Variants in ZNF431 observed in about 807,000 individuals in gnomAD.
The protein encoded by ZNF431 is zinc finger protein 431.
A neutral mutation model predicts 57.0 loss-of-function variants in ZNF431; 34 were observed. That is an observed-to-expected ratio of 0.60 (90% CI 0.45 to 0.79). The LOEUF (loss-of-function observed/expected upper bound fraction) is 0.79, where lower values mean the gene tolerates loss of function less well. Among genes scored for constraint, ZNF431 ranks in the 30% least tolerant of loss-of-function variants. The pLI is 0.00. For synonymous variants in ZNF431, 207 were observed against 220.3 expected (o/e 0.94, Z 0.54); for missense variants, 607 against 667.1 (o/e 0.91, Z 0.99).
chr19:21,192,851 A>T lies in ZNF431; in HGVS notation c.*8817A>T, dbSNP rs1416516561. On this transcript the variant is annotated 3_prime_UTR_variant, in exon 5 of 5. Transcript: ENST00000311048. ...TGTGCATCCATTTTTTTCTCTTTGC[A>T]CTCTGCATATATTTAAGTTTTAGAG... 1 of 152,098 alleles carries T rather than the reference A, an allele frequency of 6.6e-6. No individual in the cohort carries two copies. Among genetic ancestry groups the T allele is most frequent in the Non-Finnish European group, 1.5e-5 (1 of 68,020 alleles). The allele number at this position is 152,098 out of a possible 1,614,324, so 9.4% of individuals were successfully genotyped here.
Position 21,142,046 on chromosome 19 carries a change from C to T in ZNF431, c.-138C>T, listed in dbSNP as rs1354968519. On this transcript the variant is annotated 5_prime_UTR_variant, in exon 1 of 5. Coordinates refer to ENST00000311048, the MANE Select transcript of ZNF431 (RefSeq NM_133473.4). The stretch of plus-strand genomic sequence containing the variant: ...GGGATGTGGCGGGGCCTTTGTCTCT[C>T]GCCGCAGCCTGAGCTCCAGGTCTCC... The T allele has an allele frequency of 6.9e-6, 8 of 1,159,724 alleles. No individual in the cohort carries two copies. Among genetic ancestry groups the T allele is most frequent in the Non-Finnish European group, 8.8e-6 (7 of 797,148 alleles). The allele number at this position is 1,159,724 out of a possible 1,614,324, so 71.8% of individuals were successfully genotyped here.
intron 2 of ZNF431, among the ~76,000 whole-genome samples, chr19:21,158,012 C>G (rs1417617166): frequency 6.6e-6 from 1 of 151,990 alleles, no homozygotes; most frequent in Non-Finnish European, 1.5e-5. Flanking sequence ...ATTGCCTTGG[C>G]AATTCAGGCT....
Position 21,159,070 on chromosome 19 carries a change from TA to T in ZNF431, c.97-7263del, listed in dbSNP as rs35294601. Among the ~76,000 whole-genome samples, 440 of 152,332 alleles carry T rather than the reference TA, an allele frequency of 2.9e-3. 3 individuals are homozygous for T. The highest frequency in any genetic ancestry group is 4.3e-3 in the Non-Finnish European group (292 of 68,036). On this transcript the variant is annotated intron_variant, in intron 2 of 4. Transcript: ENST00000311048. ...AAAGTGTTTTTAGCATCTATTGAGA[TA>T]ATCTTGTGGGTTTTGTCTTTAGTTC...
At chr19:21,169,826 C>T (rs1970830707) in intron 4 of ZNF431, 3 of 398,440 alleles carry the variant, frequency 7.5e-6, no homozygotes, top group Non-Finnish European at 1.3e-5. Context: ...TGATCTGCGG[C>T]TCAGAGAGCT....
chr19:21,177,017 A>G (rs577643161), intron 4 of ZNF431, among the ~76,000 whole-genome samples: 6 of 152,296 alleles, frequency 3.9e-5, no homozygotes, highest in Non-Finnish European at 7.4e-5. Flanking sequence ...TTTGCTGTGC[A>G]GTAGCTCTTT....
chr19:21,162,722 C>T, intron 2 of ZNF431: 1 of 985,334 alleles, frequency 1.0e-6, no homozygotes, highest in Non-Finnish European at 1.2e-6. Flanking sequence ...CTTTCTAGAG[C>T]TGGTGCTCAA....
chr19:21,182,781 G>A lies in ZNF431; in HGVS notation c.478G>A (p.Gly160Ser), dbSNP rs770415940. The stretch of plus-strand genomic sequence containing the variant: ...AGATGAGTATAAGGTGCACAAAGAA[G>A]GTTATAATGAGCTAAACCAGTGTTT... ...SVDEYKVHKE[G>S]YNELNQCLTT... The change falls in exon 5 of 5, where the codon GGT (glycine) becomes AGT (serine). Residue 160 changes from glycine (G) to serine (S), a missense_variant. By Grantham distance (56) the Gly-to-Ser change is moderately conservative. Coordinates refer to ENST00000311048, the MANE Select transcript of ZNF431 (RefSeq NM_133473.4). 1 of 1,613,754 alleles carries A rather than the reference G, an allele frequency of 6.2e-7. No individual in the cohort carries two copies. Among genetic ancestry groups the A allele is most frequent in the Non-Finnish European group, 8.5e-7 (1 of 1,179,832 alleles).
intron 1 of ZNF431, 72 bp from the exon 2 acceptor site, chr19:21,143,479 A>C: frequency 1.6e-6 from 2 of 1,221,824 alleles, no homozygotes; most frequent in Non-Finnish European, 2.4e-6. Context: ...GGGATGAACT[A>C]AGATATCCAC....
chr19:21,151,924 A>G (rs1290622921), intron 2 of ZNF431, among the ~76,000 whole-genome samples: 1 of 152,288 alleles, frequency 6.6e-6, no homozygotes, highest in African/African-American at 2.4e-5. Context: ...TCTCGTCAGA[A>G]ATTTGTACAC....
At chr19:21,149,684 CT>C (rs1342308465) in intron 2 of ZNF431, 6 of 576,978 alleles carry the variant, frequency 1.0e-5, no homozygotes, top group Non-Finnish European at 2.0e-5. Flanking sequence ...TAGTCTTTGC[CT>C]TTTTGAGCTT....
At position 21,183,920 on chromosome 19, in the gene ZNF431, C is replaced by T; in HGVS notation, c.1617C>T (p.Pro539=). The part of the protein sequence containing the change: ...KHRKIHTRQK[P]YNCEECDNTF... ...GGAAAATTCATACTAGACAGAAACC[C>T]TACAACTGTGAAGAATGTGACAATA... is the stretch of plus-strand genomic sequence containing the variant. Residue 539 remains proline, a synonymous_variant, in exon 5 of 5, where the codon CCC becomes CCT. Transcript: ENST00000311048. The T allele has an allele frequency of 6.2e-7, 1 of 1,613,650 alleles. No homozygotes were observed. The highest frequency in any genetic ancestry group is 8.5e-7 in the Non-Finnish European group (1 of 1,179,758).
At chr19:21,156,671 A>G (rs1048604785) in intron 2 of ZNF431, among the ~76,000 whole-genome samples, 1 of 139,910 alleles carries the variant, frequency 7.1e-6, no homozygotes, top group Admixed American at 7.6e-5. Context: ...AGCATCATCT[A>G]TGTTGCTGCA....
intron 2 of ZNF431, among the ~76,000 whole-genome samples, chr19:21,157,431 G>GT (rs1970447863): frequency 2.0e-5 from 3 of 152,046 alleles, no homozygotes; most frequent in Admixed American, 6.6e-5. Flanking sequence ...TTTTTTGCTT[G>GT]TTTTTTGCAT....
intron 4 of ZNF431, among the ~76,000 whole-genome samples, chr19:21,179,527 C>A (rs536718759): frequency 3.2e-4 from 47 of 148,844 alleles, no homozygotes; most frequent in African/African-American, 1.1e-3. Context: ...GTTAACACTG[C>A]TTTAGCTGTG....
At chr19:21,149,972 G>A (rs1045087533) in intron 2 of ZNF431, 18 of 588,292 alleles carry the variant, frequency 3.1e-5, no homozygotes, top group Non-Finnish European at 4.5e-5. Flanking sequence ...CACATCATGC[G>A]CAATCACCAC....
Position 21,190,620 on chromosome 19 carries a change from G to A in ZNF431, c.*6586G>A, listed in dbSNP as rs1388776879. 6.7e-6 allele frequency: 1 copy of A among 148,190 alleles called. No individual in the cohort carries two copies. The highest frequency in any genetic ancestry group is 2.5e-5 in the African/African-American group (1 of 40,260). 9.2% of individuals were successfully genotyped at this position (148,190 alleles called of 1,614,324 possible). On this transcript the variant is annotated 3_prime_UTR_variant, in exon 5 of 5. Coordinates refer to ENST00000311048, the MANE Select transcript of ZNF431 (RefSeq NM_133473.4). Reference sequence around the variant, plus strand: ...TTAAAAATATATCCGTTGGACATATGTATGACTTTTCTTGAAAAATATTTA... The same window carrying A: ...TTAAAAATATATCCGTTGGACATATATATGACTTTTCTTGAAAAATATTTA...
At chr19:21,157,019 C>A (rs1305481623) in intron 2 of ZNF431, among the ~76,000 whole-genome samples, 2 of 152,206 alleles carry the variant, frequency 1.3e-5, no homozygotes, top group Non-Finnish European at 2.9e-5. Context: ...CTAAGGCAAT[C>A]CACCTGCCTC....
chr19:21,150,171 C>T, intron 2 of ZNF431: 1 of 593,022 alleles, frequency 1.7e-6, no homozygotes, highest in Admixed American at 2.2e-5. Flanking sequence ...AGCTGAGTAG[C>T]TGTTTGGTGG....
chr19:21,190,030 G>A lies in ZNF431; in HGVS notation c.*5996G>A, dbSNP rs1971474283. The stretch of plus-strand genomic sequence containing the variant: ...AAAACAAAAAACACCTCAGCTGGGT[G>A]TGGTGGTGCAGGCCTGTAATCTCAG... On this transcript the variant is annotated 3_prime_UTR_variant, in exon 5 of 5. Coordinates refer to ENST00000311048, the MANE Select transcript of ZNF431 (RefSeq NM_133473.4). The A allele has an allele frequency of 2.6e-6, 1 of 384,724 alleles. No homozygotes were observed. Among genetic ancestry groups the A allele is most frequent in the Non-Finnish European group, 4.6e-6 (1 of 217,700 alleles). The allele number at this position is 384,724 out of a possible 1,614,324, so 23.8% of individuals were successfully genotyped here.
Sources: allele counts gnomAD v4.1 joint callset (sites outside exome capture counted in the v4.1 genomes callset), GRCh38; gene constraint gnomAD v4.1.1; transcripts MANE v1.5; gene names NCBI Gene and HGNC (gene_info 2026-07-23, HGNC 2026-07-21).